SORCS2: variants seen among roughly 807,000 people sequenced by gnomAD.
The protein encoded by SORCS2 is sortilin related VPS10 domain containing receptor 2.
SORCS2 carries 100 observed loss-of-function variants against 141.6 expected under a neutral mutation model. The observed-to-expected ratio is 0.71, with a 90% CI of 0.60 to 0.83. The LOEUF is 0.83. Among genes scored for constraint, SORCS2 ranks in the 40% least tolerant of loss-of-function variants. The pLI is 0.00. For missense variants in SORCS2, 1,646 were observed against 1,560.2 expected (o/e 1.05, Z -0.93); for synonymous variants, 789 against 676.9 (o/e 1.17, Z -2.57).
intron 2 of SORCS2, among the ~76,000 whole-genome samples, chr4:7,421,238 G>A (rs1220323153): frequency 1.3e-5 from 2 of 152,168 alleles, no homozygotes; most frequent in Non-Finnish European, 2.9e-5. Flanking sequence ...GGTGCACCAC[G>A]CCATGCGTTT....
chr4:7,700,239 C>G (rs1307197160), intron 12 of SORCS2, among the ~76,000 whole-genome samples: 1 of 152,226 alleles, frequency 6.6e-6, no homozygotes, highest in Admixed American at 6.5e-5. Flanking sequence ...TTCCCTAAAA[C>G]AAAATGTCAT....
At chr4:7,400,509 G>A (rs943967332) in intron 2 of SORCS2, among the ~76,000 whole-genome samples, 2 of 151,852 alleles carry the variant, frequency 1.3e-5, no homozygotes, top group Non-Finnish European at 2.9e-5. Context: ...GGCTGGTTGA[G>A]GATGCGAGGA....
Position 7,312,959 on chromosome 4 carries a change from C to G in SORCS2, c.481-83329C>G, listed in dbSNP as rs186032302. Among the ~76,000 whole-genome samples the G allele has an allele frequency of 3.1e-3, 473 of 152,380 alleles. 4 individuals are homozygous for G. The highest frequency in any genetic ancestry group is 0.01 in the Middle Eastern group (3 of 294). On this transcript the variant is annotated intron_variant, in intron 1 of 26. Transcript: ENST00000507866. ...GGCTGAGCAGCGACTGTCCTGATAG[C>G]TGGCTCCAGGGGACCTGCTGATCTT...
chr4:7,266,586 A>AGC (rs1310601681), intron 1 of SORCS2, among the ~76,000 whole-genome samples: 1 of 152,180 alleles, frequency 6.6e-6, no homozygotes, highest in Non-Finnish European at 1.5e-5. Flanking sequence ...ACAGCCTGTT[A>AGC]GCTGTGAGTC....
chr4:7,387,726 A>C (rs1262575696), intron 1 of SORCS2, among the ~76,000 whole-genome samples: 1 of 151,144 alleles, frequency 6.6e-6, no homozygotes, highest in Non-Finnish European at 1.5e-5. Context: ...GCACACACAT[A>C]CACATTTGCA....
At chr4:7,723,477 C>A (rs778260668) in intron 18 of SORCS2, among the ~76,000 whole-genome samples, 1 of 152,312 alleles carries the variant, frequency 6.6e-6, no homozygotes, top group Admixed American at 6.5e-5. Flanking sequence ...TTGGCCACAG[C>A]CCCTAGTTAA....
At chr4:7,722,907 A>T (rs1726690032) in intron 18 of SORCS2, among the ~76,000 whole-genome samples, 2 of 152,154 alleles carry the variant, frequency 1.3e-5, no homozygotes, top group African/African-American at 4.8e-5. Flanking sequence ...CATCACTAGG[A>T]AACGGTTTCC....
chr4:7,268,754 A>T (rs996044477), intron 1 of SORCS2, among the ~76,000 whole-genome samples: 2 of 152,180 alleles, frequency 1.3e-5, no homozygotes, highest in East Asian at 1.9e-4. Flanking sequence ...GGCTTCCAGG[A>T]GGAGGTGATG....
intron 1 of SORCS2, among the ~76,000 whole-genome samples, chr4:7,232,169 C>T (rs1319279333): frequency 6.6e-6 from 1 of 152,120 alleles, no homozygotes; most frequent in Non-Finnish European, 1.5e-5. Context: ...AGGCTGCGGG[C>T]CCTGGGGGAA....
At chr4:7,612,864 C>T (rs762613915) in intron 3 of SORCS2, among the ~76,000 whole-genome samples, 21 of 105,036 alleles carry the variant, frequency 2.0e-4, no homozygotes, top group Non-Finnish European at 3.1e-4. Context: ...GACTGCTTAG[C>T]TTTGGAGGGG....
At chr4:7,442,977 C>T (rs78904156) in intron 2 of SORCS2, among the ~76,000 whole-genome samples, 14,388 of 152,152 alleles carry the variant, frequency 0.095, 884 homozygotes, top group Middle Eastern at 0.24. Flanking sequence ...CAATCTTCCC[C>T]GGGCCGGGGT....
intron 2 of SORCS2, chr4:7,432,634 C>G (rs966253965): frequency 6.6e-6 from 1 of 152,060 alleles, no homozygotes; most frequent in East Asian, 1.9e-4. Flanking sequence ...ACCAGGGCAG[C>G]GGAGGGTCTG....
At chr4:7,628,059 C>G (rs1719629864) in intron 3 of SORCS2, among the ~76,000 whole-genome samples, 1 of 152,200 alleles carries the variant, frequency 6.6e-6, no homozygotes, top group Admixed American at 6.5e-5. Flanking sequence ...CACTCTTGTG[C>G]CTGTCAGCGG....
intron 1 of SORCS2, among the ~76,000 whole-genome samples, chr4:7,317,030 C>G (rs952303981): frequency 4.6e-5 from 7 of 152,190 alleles, no homozygotes; most frequent in East Asian, 1.9e-4. Context: ...CCCTGTTACT[C>G]TCTCCAAGCA....
intron 3 of SORCS2, among the ~76,000 whole-genome samples, chr4:7,552,452 T>C (rs1055890840): frequency 7.9e-5 from 12 of 152,140 alleles, no homozygotes; most frequent in Non-Finnish European, 1.8e-4. Context: ...CTCTGATTTC[T>C]CTGACAAAAA....
chr4:7,650,686 G>C (rs372647979), intron 4 of SORCS2, among the ~76,000 whole-genome samples: 5 of 150,586 alleles, frequency 3.3e-5, no homozygotes, highest in Non-Finnish European at 5.9e-5. Context: ...CCGCAGACCC[G>C]GGTCCCCGCC....
intron 21 of SORCS2, among the ~76,000 whole-genome samples, chr4:7,727,421 A>G (rs1727297627): frequency 1.4e-5 from 1 of 73,818 alleles, no homozygotes; most frequent in Non-Finnish European, 2.5e-5. Context: ...CCTAAGACTG[A>G]AGGAGACCCC....
intron 2 of SORCS2, among the ~76,000 whole-genome samples, chr4:7,500,966 CG>C (rs1160961738): frequency 6.6e-6 from 1 of 152,204 alleles, no homozygotes; most frequent in East Asian, 1.9e-4. Context: ...CCAGGGAGCT[CG>C]GCTCAAGCCA....
At chr4:7,676,907 C>CCTCTCTCT (rs1560475887) in intron 9 of SORCS2, among the ~76,000 whole-genome samples, 1 of 7,076 alleles carries the variant, frequency 1.4e-4, no homozygotes, top group African/African-American at 5.6e-4. Context: ...TCTCTCTCTC[C>CCTCTCTCT]CTCTCTCCCT....
Sources: allele counts gnomAD v4.1 joint callset (sites outside exome capture counted in the v4.1 genomes callset), GRCh38; gene constraint gnomAD v4.1.1; transcripts MANE v1.5; gene names NCBI Gene and HGNC (gene_info 2026-07-23, HGNC 2026-07-21).